Variants in MGAT4C observed in about 807,000 individuals in gnomAD.
MGAT4C encodes the protein MGAT4 family member C.
Under a neutral mutation model 40.1 loss-of-function variants are expected in MGAT4C, and 19 were observed. The ratio of observed to expected loss-of-function variants is 0.47; its 90% CI spans 0.33 to 0.70. The LOEUF is 0.70. MGAT4C is among the 30% of genes least tolerant of loss of function. The pLI is 0.02. For missense variants in MGAT4C, 491 were observed against 563.2 expected (o/e 0.87, Z 1.30); for synonymous variants, 181 against 187.1 (o/e 0.97, Z 0.27).
intron 3 of MGAT4C, among the ~76,000 whole-genome samples, chr12:86,418,030 T>C (rs930107855): frequency 1.3e-5 from 2 of 152,140 alleles, no homozygotes; most frequent in Non-Finnish European, 2.9e-5. Context: ...AAAACCTTTA[T>C]GGTTAATAAG....
At chr12:86,014,026 T>C (rs1356059723) in intron 2 of MGAT4C, among the ~76,000 whole-genome samples, 1 of 152,222 alleles carries the variant, frequency 6.6e-6, no homozygotes, top group Non-Finnish European at 1.5e-5. Flanking sequence ...AAAACTGTAA[T>C]TTTCCTTTCC....
chr12:86,515,159 C>T lies in MGAT4C; in HGVS notation c.-228-79894G>A, dbSNP rs145336774. On this transcript the variant is annotated intron_variant, in intron 2 of 7. Coordinates refer to the MGAT4C transcript ENST00000548651. ...TTATCTTCATTCTCATAAAGGCTGT[C>T]TACAAACATCTGGCAGCTAGCATGA... 6.8e-3 allele frequency among the ~76,000 whole-genome samples: 1,034 copies of T among 152,234 alleles called. 6 individuals carry two copies. Among genetic ancestry groups the T allele is most frequent in the Middle Eastern group, 0.027 (8 of 294 alleles).
At chr12:86,191,073 C>T (rs1032263807) in intron 1 of MGAT4C, among the ~76,000 whole-genome samples, 20 of 139,268 alleles carry the variant, frequency 1.4e-4, no homozygotes, top group South Asian at 1.2e-3. Flanking sequence ...TAAAATCACT[C>T]TCTCTCTCTG....
At chr12:86,654,268 A>G (rs1163907838) in intron 2 of MGAT4C, among the ~76,000 whole-genome samples, 2 of 151,930 alleles carry the variant, frequency 1.3e-5, no homozygotes, top group Admixed American at 1.3e-4. Context: ...AAGTCTACAA[A>G]TTATAGCTAA....
At chr12:86,560,969 C>A in intron 2 of MGAT4C, among the ~76,000 whole-genome samples, 1 of 151,946 alleles carries the variant, frequency 6.6e-6, no homozygotes, top group Non-Finnish European at 1.5e-5. Flanking sequence ...GATACAAAAC[C>A]AACATACAAA....
intron 2 of MGAT4C, among the ~76,000 whole-genome samples, chr12:86,559,366 A>G (rs1008027885): frequency 4.6e-5 from 7 of 151,992 alleles, no homozygotes; most frequent in African/African-American, 1.7e-4. Flanking sequence ...CAGAAGACAT[A>G]TTCTTATTAG....
intron 2 of MGAT4C, among the ~76,000 whole-genome samples, chr12:86,646,750 A>T (rs932482918): frequency 7.2e-5 from 11 of 151,740 alleles, no homozygotes; most frequent in African/African-American, 2.7e-4. Context: ...TCACAATATG[A>T]CTCCTGCAAT....
intron 2 of MGAT4C, among the ~76,000 whole-genome samples, chr12:86,708,520 G>C (rs1403423342): frequency 3.3e-5 from 5 of 152,164 alleles, no homozygotes; most frequent in African/African-American, 4.8e-5. Flanking sequence ...GACAGTCACT[G>C]TCCTTCAGAC....
At chr12:86,802,587 T>G (rs1952253580) in intron 1 of MGAT4C, among the ~76,000 whole-genome samples, 1 of 151,936 alleles carries the variant, frequency 6.6e-6, no homozygotes, top group Admixed American at 6.6e-5. Flanking sequence ...AAAATCAGTG[T>G]GCAAAAATCA....
At chr12:86,814,799 G>T (rs1952568380) in intron 1 of MGAT4C, among the ~76,000 whole-genome samples, 1 of 151,948 alleles carries the variant, frequency 6.6e-6, no homozygotes, top group Non-Finnish European at 1.5e-5. Context: ...ACCATTTGAA[G>T]AACAGAGAAA....
chr12:86,618,586 A>C (rs535784111), intron 2 of MGAT4C, among the ~76,000 whole-genome samples: 29 of 152,186 alleles, frequency 1.9e-4, no homozygotes, highest in Non-Finnish European at 3.8e-4. Flanking sequence ...AGAAAGATAA[A>C]TATATCATGT....
At chr12:86,352,789 G>T (rs4842640) in intron 3 of MGAT4C, among the ~76,000 whole-genome samples, 13,891 of 149,408 alleles carry the variant, frequency 0.093, 801 homozygotes, top group Middle Eastern at 0.22. Context: ...GAAACAGATG[G>T]TCTCACTCAT....
At chr12:86,644,681 G>A (rs1170888757) in intron 2 of MGAT4C, among the ~76,000 whole-genome samples, 1 of 151,488 alleles carries the variant, frequency 6.6e-6, no homozygotes, top group African/African-American at 2.4e-5. Context: ...GTAGACTGAC[G>A]AATAGATCAA....
chr12:86,612,286 A>G (rs572568387), intron 2 of MGAT4C, among the ~76,000 whole-genome samples: 50 of 152,114 alleles, frequency 3.3e-4, no homozygotes, highest in Non-Finnish European at 6.5e-4. Context: ...TACTAAAATC[A>G]TATGCATGCT....
At chr12:86,011,013 C>G (rs1476914484) in intron 2 of MGAT4C, among the ~76,000 whole-genome samples, 1 of 152,158 alleles carries the variant, frequency 6.6e-6, no homozygotes, top group Non-Finnish European at 1.5e-5. Context: ...TATTGGACTT[C>G]CCAGACTTCA....
intron 3 of MGAT4C, among the ~76,000 whole-genome samples, chr12:86,380,631 A>G (rs757613736): frequency 1.3e-5 from 2 of 152,150 alleles, no homozygotes; most frequent in Admixed American, 1.3e-4. Context: ...TACACAACAT[A>G]CCTACTAAGC....
At chr12:86,441,333 T>TA (rs1176847013) in intron 2 of MGAT4C, among the ~76,000 whole-genome samples, 3 of 150,722 alleles carry the variant, frequency 2.0e-5, no homozygotes, top group Admixed American at 2.0e-4. Flanking sequence ...TGATTTTTTT[T>TA]ATTATTATTT....
chr12:86,078,599 C>G (rs981940180), intron 1 of MGAT4C, among the ~76,000 whole-genome samples: 1 of 152,170 alleles, frequency 6.6e-6, no homozygotes, highest in Non-Finnish European at 1.5e-5. Flanking sequence ...AGGAATGGTG[C>G]TATATCGAAG....
chr12:86,519,297 T>G (rs1389509767), intron 2 of MGAT4C, among the ~76,000 whole-genome samples: 3 of 152,242 alleles, frequency 2.0e-5, no homozygotes. Flanking sequence ...TCTTTTTCAG[T>G]GTATACATTG....
Sources: allele counts gnomAD v4.1 joint callset (sites outside exome capture counted in the v4.1 genomes callset), GRCh38; gene constraint gnomAD v4.1.1; transcripts MANE v1.5; gene names NCBI Gene and HGNC (gene_info 2026-07-23, HGNC 2026-07-21).